The following BTBD9 variants were observed in gnomAD, a reference collection of about 807,000 sequenced individuals.
The protein encoded by BTBD9 is BTB domain containing 9, also known as BTB/POZ domain-containing protein 9.
BTBD9 carries 49 observed loss-of-function variants against 64.3 expected under a neutral mutation model. The observed-to-expected ratio is 0.76, with a 90% CI of 0.61 to 0.97. The LOEUF is 0.97. BTBD9 is among the 50% of genes least tolerant of loss of function. BTBD9 has a pLI of 0.00. For missense variants in BTBD9, 598 were observed against 762.1 expected, an observed-to-expected ratio of 0.78 and a Z score of 2.53; for synonymous variants, 260 against 274.7, an observed-to-expected ratio of 0.95 and a Z score of 0.53.
At chr6:38,596,143 TAC>T (rs1180492315) in intron 2 of BTBD9, 1 of 776,984 alleles carries the variant, frequency 1.3e-6, no homozygotes, top group African/African-American at 1.9e-5. Context: ...TGCACATGAA[TAC>T]AGTCAGCATT....
intron 6 of BTBD9, among the ~76,000 whole-genome samples, chr6:38,495,033 A>AT (rs1303232703): frequency 6.6e-6 from 1 of 152,158 alleles, no homozygotes; most frequent in African/African-American, 2.4e-5. Flanking sequence ...ATAACTAGCT[A>AT]TTTTTTCCCT....
chr6:38,432,469 G>T (rs1723463373), intron 6 of BTBD9, among the ~76,000 whole-genome samples: 1 of 151,966 alleles, frequency 6.6e-6, no homozygotes, highest in South Asian at 2.1e-4. Flanking sequence ...GAGGCCACAA[G>T]ATTGGGATTA....
chr6:38,545,773 C>T (rs547907919), intron 6 of BTBD9, among the ~76,000 whole-genome samples: 125 of 118,766 alleles, frequency 1.1e-3, no homozygotes, highest in African/African-American at 3.7e-3. Context: ...AGTGAGACTC[C>T]GTCTCAAAAA....
intron 6 of BTBD9, among the ~76,000 whole-genome samples, chr6:38,453,537 C>T (rs1769651547): frequency 6.6e-6 from 1 of 152,144 alleles, no homozygotes; most frequent in Admixed American, 6.6e-5. Context: ...AAGTAAACAT[C>T]AGAGTGGTTT....
chr6:38,237,050 C>T (rs578219504), intron 9 of BTBD9, among the ~76,000 whole-genome samples: 8 of 152,352 alleles, frequency 5.3e-5, no homozygotes, highest in Non-Finnish European at 1.2e-4. Flanking sequence ...AGTAGCTGAA[C>T]TCTGTAAAGG....
At chr6:38,619,328 C>T (rs1777906854) in intron 1 of BTBD9, among the ~76,000 whole-genome samples, 2 of 152,072 alleles carry the variant, frequency 1.3e-5, no homozygotes, top group Admixed American at 1.3e-4. Flanking sequence ...AAAGGAAAAG[C>T]AAAATAAAAG....
At chr6:38,271,590 G>T (rs779568111) in intron 8 of BTBD9, among the ~76,000 whole-genome samples, 2 of 151,854 alleles carry the variant, frequency 1.3e-5, no homozygotes, top group Non-Finnish European at 2.9e-5. Flanking sequence ...CCCTCAGCAG[G>T]GTCGAATAGT....
chr6:38,279,405 T>G (rs1761415303), intron 8 of BTBD9, among the ~76,000 whole-genome samples: 1 of 152,036 alleles, frequency 6.6e-6, no homozygotes. Context: ...ATAAGAAGAT[T>G]TTCAAAGGTA....
intron 9 of BTBD9, among the ~76,000 whole-genome samples, chr6:38,225,834 G>A (rs760343419): frequency 7.2e-5 from 11 of 152,156 alleles, no homozygotes; most frequent in Non-Finnish European, 1.6e-4. Context: ...AATGACATCT[G>A]ATGTTTGTAT....
intron 8 of BTBD9, among the ~76,000 whole-genome samples, chr6:38,285,836 G>A (rs541724095): frequency 4.6e-5 from 7 of 152,244 alleles, no homozygotes; most frequent in Non-Finnish European, 8.8e-5. Context: ...AAATTGTGGA[G>A]GCTATCAGGG....
intron 4 of BTBD9, 85 bp from the exon 5 acceptor site, chr6:38,580,522 G>C: frequency 1.8e-6 from 2 of 1,108,450 alleles, no homozygotes; most frequent in Non-Finnish European, 2.6e-6. Flanking sequence ...TAGCATTCCA[G>C]TTTATTCTAG....
intron 8 of BTBD9, among the ~76,000 whole-genome samples, chr6:38,265,790 G>A (rs1217910605): frequency 6.6e-6 from 1 of 152,162 alleles, no homozygotes; most frequent in African/African-American, 2.4e-5. Flanking sequence ...ACAGTGCTGG[G>A]CTTACAGGCG....
chr6:38,367,105 A>G (rs1488979890), intron 6 of BTBD9, among the ~76,000 whole-genome samples: 1 of 152,184 alleles, frequency 6.6e-6, no homozygotes, highest in African/African-American at 2.4e-5. Context: ...ATACAGATAA[A>G]CGATTTCTGA....
intron 6 of BTBD9, among the ~76,000 whole-genome samples, chr6:38,484,450 A>G (rs1410159977): frequency 2.6e-5 from 4 of 152,222 alleles, no homozygotes; most frequent in African/African-American, 7.2e-5. Flanking sequence ...AGAATACTGG[A>G]TATCTTTTTA....
intron 8 of BTBD9, among the ~76,000 whole-genome samples, chr6:38,258,478 A>G (rs1764678933): frequency 6.6e-6 from 1 of 152,218 alleles, no homozygotes; most frequent in Admixed American, 6.5e-5. Flanking sequence ...TGGCATAGAT[A>G]GTGAGCTCCT....
chr6:38,458,017 C>T (rs961601869), intron 6 of BTBD9, among the ~76,000 whole-genome samples: 12 of 152,154 alleles, frequency 7.9e-5, no homozygotes, highest in African/African-American at 2.9e-4. Flanking sequence ...GACAAACAAC[C>T]CTAAGGAGAC....
At position 38,257,248 on chromosome 6, in the gene BTBD9, G is replaced by T. The variant is rs141422747; in HGVS notation, c.1455-732C>A. 2.0e-3 allele frequency among the ~76,000 whole-genome samples: 298 copies of T among 150,634 alleles called. 1 individual carries two copies. Among genetic ancestry groups the T allele is most frequent in the Middle Eastern group, 3.6e-3 (1 of 276 alleles). ...GAGCAAATTTTCACCCTGCTGCCCAGACTGGACTGCAGGGATATGATCATA... is the reference window on the plus strand; with the variant it reads ...GAGCAAATTTTCACCCTGCTGCCCATACTGGACTGCAGGGATATGATCATA... On this transcript the variant is annotated intron_variant, in intron 8 of 10. Coordinates refer to ENST00000481247, the MANE Select transcript of BTBD9 (RefSeq NM_001099272.2).
At chr6:38,545,855 TACACACACAC>T (rs34465570) in intron 6 of BTBD9, among the ~76,000 whole-genome samples, 11,321 of 130,550 alleles carry the variant, frequency 0.087, 572 homozygotes, top group Non-Finnish European at 0.12. Flanking sequence ...CACACACACA[TACACACACAC>T]ACACACACAC....
intron 6 of BTBD9, among the ~76,000 whole-genome samples, chr6:38,464,788 A>C (rs1770269375): frequency 2.0e-5 from 3 of 152,156 alleles, no homozygotes; most frequent in Non-Finnish European, 2.9e-5. Context: ...GAGCCACTGC[A>C]CCTGGCCTAT....
Sources: gnomAD v4.1 joint callset for allele counts (sites outside exome capture counted in the v4.1 genomes callset) on GRCh38, gnomAD v4.1.1 for gene constraint, MANE v1.5 for transcripts, NCBI Gene and HGNC (gene_info 2026-07-23, HGNC 2026-07-21) for gene names.